The following TNFSF4 variants were observed in gnomAD, a reference collection of about 807,000 sequenced individuals.
TNFSF4 encodes TNF superfamily member 4.
A neutral mutation model predicts 7.3 loss-of-function variants in TNFSF4; 4 were observed. That is an observed-to-expected ratio of 0.55 (90% CI 0.27 to 1.25). TNFSF4 has a LOEUF of 1.25. TNFSF4 is among the 50% of genes most tolerant of loss of function. TNFSF4 has a pLI of 0.12. For missense variants in TNFSF4, 181 were observed against 208.8 expected (o/e 0.87, Z 0.82); for synonymous variants, 76 against 83.7 (o/e 0.91, Z 0.50).
the TNFSF4 span, among the ~76,000 whole-genome samples, chr1:173,424,381 T>C: frequency 6.6e-6 from 1 of 152,218 alleles, no homozygotes; most frequent in Admixed American, 6.5e-5. Flanking sequence ...TGACTATCTA[T>C]AACGAAAGGC....
chr1:173,407,497 T>C, the TNFSF4 span, among the ~76,000 whole-genome samples: 2 of 142,292 alleles, frequency 1.4e-5, no homozygotes, highest in Non-Finnish European at 3.0e-5. Context: ...GAAGTGGAGG[T>C]TGCAATGAGC....
chr1:173,191,914 C>T (rs965461952), intron 1 of TNFSF4, among the ~76,000 whole-genome samples: 3 of 152,186 alleles, frequency 2.0e-5, no homozygotes, highest in South Asian at 2.1e-4. Context: ...CAGTGGCTGA[C>T]GCTTGTAATC....
chr1:173,415,196 T>C, the TNFSF4 span, among the ~76,000 whole-genome samples: 39 of 152,322 alleles, frequency 2.6e-4, no homozygotes, highest in Admixed American at 2.0e-3. Flanking sequence ...TTCACAGATA[T>C]CAGGATAATT....
the TNFSF4 span, among the ~76,000 whole-genome samples, chr1:173,378,564 T>A: frequency 6.6e-6 from 1 of 152,152 alleles, no homozygotes; most frequent in African/African-American, 2.4e-5. Context: ...GGCCCCAATA[T>A]TCTCTCTCTG....
the TNFSF4 span, among the ~76,000 whole-genome samples, chr1:173,228,205 A>G: frequency 6.6e-6 from 1 of 152,194 alleles, no homozygotes; most frequent in African/African-American, 2.4e-5. Context: ...CACCTCACAC[A>G]GCTGGGTACC....
rs373302314 is a variant in TNFSF4 at position 173,194,810 on chromosome 1, G to A, written c.154-6241C>T. ...CTTGGGAAGCTAAGGTGGGAGGATC[G>A]CTTGAGCCCAGGAGATTGAGGCTGC... On this transcript the variant is annotated intron_variant, in intron 1 of 2. Transcript: ENST00000281834. 1.9e-4 allele frequency among the ~76,000 whole-genome samples: 29 copies of A among 149,970 alleles called. No homozygotes were observed. The East Asian group carries it at 4.1e-3, about 21-fold the overall frequency.
At chr1:173,323,201 G>T in the TNFSF4 span, among the ~76,000 whole-genome samples, 1 of 152,316 alleles carries the variant, frequency 6.6e-6, no homozygotes, top group Non-Finnish European at 1.5e-5. Flanking sequence ...CCAGAGGAAC[G>T]ATCAGGCAGC....
the TNFSF4 span, among the ~76,000 whole-genome samples, chr1:173,334,171 T>C: frequency 4.6e-5 from 7 of 152,308 alleles, no homozygotes; most frequent in East Asian, 1.4e-3. Flanking sequence ...TGTGGGTTTC[T>C]AGAATTGGCT....
At chr1:173,363,548 C>T in the TNFSF4 span, 1 of 501,906 alleles carries the variant, frequency 2.0e-6, no homozygotes, top group Non-Finnish European at 4.0e-6. Flanking sequence ...CAAAATATAG[C>T]TCTGCTGTTG....
chr1:173,214,814 C>A, the TNFSF4 span, among the ~76,000 whole-genome samples: 1 of 152,126 alleles, frequency 6.6e-6, no homozygotes, highest in Admixed American at 6.5e-5. Flanking sequence ...AATCCTCCTG[C>A]GAACACTCTG....
chr1:173,381,565 G>T, the TNFSF4 span, among the ~76,000 whole-genome samples: 1 of 152,158 alleles, frequency 6.6e-6, no homozygotes, highest in Non-Finnish European at 1.5e-5. Context: ...CCCCAAATGA[G>T]CTCAACTAAC....
the TNFSF4 span, among the ~76,000 whole-genome samples, chr1:173,397,115 C>T: frequency 3.9e-4 from 59 of 152,276 alleles, no homozygotes; most frequent in African/African-American, 1.3e-3. Context: ...TGGCTGATCA[C>T]GGTGTTCCTA....
At chr1:173,208,745 T>C (rs1373640780), upstream of TNFSF4, among the ~76,000 whole-genome samples, 1 of 151,692 alleles carries the variant, frequency 6.6e-6, no homozygotes, top group Non-Finnish European at 1.5e-5. Context: ...GAAGGAAAAA[T>C]CAGTGTGTAA....
At chr1:173,307,965 C>T in the TNFSF4 span, among the ~76,000 whole-genome samples, 1 of 151,894 alleles carries the variant, frequency 6.6e-6, no homozygotes, top group African/African-American at 2.4e-5. Flanking sequence ...TCCCTGATTA[C>T]TAGTAAGGTG....
At chr1:173,290,470 CAAAAATAATA>C in the TNFSF4 span, among the ~76,000 whole-genome samples, 2 of 152,002 alleles carry the variant, frequency 1.3e-5, no homozygotes, top group Admixed American at 6.6e-5. Flanking sequence ...AATTTTAAAT[CAAAAATAATA>C]AAAAACAATA....
At chr1:173,292,075 C>T in the TNFSF4 span, among the ~76,000 whole-genome samples, 4 of 151,696 alleles carry the variant, frequency 2.6e-5, no homozygotes, top group Non-Finnish European at 5.9e-5. Flanking sequence ...GAGCTAGTAT[C>T]AATCCTACTG....
At chr1:173,208,660 G>A (rs1484659653), upstream of TNFSF4, among the ~76,000 whole-genome samples, 1 of 152,118 alleles carries the variant, frequency 6.6e-6, no homozygotes, top group Non-Finnish European at 1.5e-5. Flanking sequence ...AAATCAAATT[G>A]TATCCAAACA....
the TNFSF4 span, among the ~76,000 whole-genome samples, chr1:173,427,550 AAGAG>A: frequency 1.3e-5 from 2 of 152,330 alleles, no homozygotes; most frequent in South Asian, 4.1e-4. Flanking sequence ...ATCGGGAAAA[AAGAG>A]AGACATGAGA....
chr1:173,437,646 A>G, the TNFSF4 span, among the ~76,000 whole-genome samples: 1 of 152,104 alleles, frequency 6.6e-6, no homozygotes, highest in Non-Finnish European at 1.5e-5. Context: ...AATTGACCCA[A>G]AACCACCTTT....
Sources: allele counts gnomAD v4.1 joint callset (sites outside exome capture counted in the v4.1 genomes callset), GRCh38; gene constraint gnomAD v4.1.1; transcripts MANE v1.5; gene names NCBI Gene and HGNC (gene_info 2026-07-23, HGNC 2026-07-21).